The following RAPGEF4 variants were observed in gnomAD, a reference collection of about 807,000 sequenced individuals.
RAPGEF4 encodes Rap guanine nucleotide exchange factor 4, also known as RAP guanine-nucleotide-exchange factor (GEF) 4.
Under a neutral mutation model 147.9 loss-of-function variants are expected in RAPGEF4, and 66 were observed. The ratio of observed to expected loss-of-function variants is 0.45; its 90% confidence interval spans 0.37 to 0.55. The LOEUF (loss-of-function observed/expected upper bound fraction) is 0.55, where lower values mean the gene tolerates loss of function less well. Ranked by LOEUF, RAPGEF4 falls within the 20% of genes least tolerant of loss-of-function variation. The probability of loss-of-function intolerance (pLI) is 0.00; values close to 1 mark genes in which losing one functional copy is unlikely to be tolerated. For missense variants in RAPGEF4, 1,071 were observed against 1,257.3 expected (o/e 0.85, Z 2.24); for synonymous variants, 419 against 442.7 (o/e 0.95, Z 0.67).
chr2:172,809,248 T>A (rs1000291007), intron 3 of RAPGEF4, among the ~76,000 whole-genome samples: 27 of 152,066 alleles, frequency 1.8e-4, no homozygotes, highest in Admixed American at 4.6e-4. Flanking sequence ...ATGATGAGAC[T>A]TGGCCTGCTG....
rs143111506 is a variant in RAPGEF4, at chr2:172,774,834, A to G, written c.66-20191A>G. 3.0e-4 allele frequency among the ~76,000 whole-genome samples: 45 copies of G among 152,304 alleles called. 1 individual carries two copies. Among genetic ancestry groups the G allele is most frequent in the African/African-American group, 9.1e-4 (38 of 41,566 alleles). ...CCTTGTAATTCTCAAATAACTTTTC[A>G]TTGTGCTTGTACATGCTAGACATGT... On this transcript the variant is annotated intron_variant, in intron 1 of 30. Coordinates refer to ENST00000397081, the MANE Select transcript of RAPGEF4 (RefSeq NM_007023.4).
chr2:172,782,218 T>C (rs983806039), intron 1 of RAPGEF4, among the ~76,000 whole-genome samples: 2 of 152,230 alleles, frequency 1.3e-5, no homozygotes, highest in African/African-American at 4.8e-5. Context: ...GCTGATTCAG[T>C]TGGAGAAAGT....
intron 1 of RAPGEF4, chr2:172,744,447 G>A: frequency 2.2e-6 from 1 of 456,342 alleles, no homozygotes; most frequent in South Asian, 1.6e-5. Flanking sequence ...TGCAAACGTT[G>A]CGTGGTCATC....
At chr2:173,034,275 G>C (rs979890423) in intron 27 of RAPGEF4, among the ~76,000 whole-genome samples, 2 of 152,174 alleles carry the variant, frequency 1.3e-5, no homozygotes, top group Non-Finnish European at 2.9e-5. Context: ...GGCTTGCCAA[G>C]ATTATTTTTC....
At position 172,838,183 on chromosome 2, in the gene RAPGEF4, T is replaced by TG. The variant is rs540538708; in HGVS notation, c.444+23764dup. Among the ~76,000 whole-genome samples, 295 of 151,676 alleles carry TG rather than the reference T, an allele frequency of 1.9e-3. 1 individual carries two copies. The highest frequency in any genetic ancestry group is 3.5e-3 in the Admixed American group (54 of 15,242). ...TCATTTCCTACAAGAAGTGACCTGT[T>TG]GGGGGGTCTTCCCTTTGATATCCTA... On this transcript the variant is annotated intron_variant, in intron 4 of 30. Coordinates refer to ENST00000397081, the MANE Select transcript of RAPGEF4 (RefSeq NM_007023.4).
At chr2:173,044,082 T>C (rs1300441514) in intron 29 of RAPGEF4, among the ~76,000 whole-genome samples, 1 of 152,134 alleles carries the variant, frequency 6.6e-6, no homozygotes, top group African/African-American at 2.4e-5. Flanking sequence ...CGCTGTCTTA[T>C]AGGCAGGGTA....
At chr2:172,898,468 C>T (rs1384708927) in intron 4 of RAPGEF4, among the ~76,000 whole-genome samples, 1 of 152,184 alleles carries the variant, frequency 6.6e-6, no homozygotes, top group African/African-American at 2.4e-5. Context: ...TCTGACCCAC[C>T]TCACTCTGTG....
intron 3 of RAPGEF4, among the ~76,000 whole-genome samples, chr2:172,812,098 A>G (rs1688081640): frequency 6.6e-6 from 1 of 152,238 alleles, no homozygotes; most frequent in African/African-American, 2.4e-5. Flanking sequence ...TTGAACTTGC[A>G]AACCATACTC....
chr2:173,046,397 A>ATTT lies in RAPGEF4; in HGVS notation c.2854-2203_2854-2202insTTT, dbSNP rs1425362133. On this transcript the variant is annotated intron_variant, in intron 29 of 30. Transcript: ENST00000397081. ...TTAGCTTTCAAAACTAAAAAGCAGA[A>ATTT]CAATTACTCCCTACAAAATGGTATA... 2.5e-3 allele frequency among the ~76,000 whole-genome samples: 383 copies of ATTT among 152,322 alleles called. 1 individual carries two copies. The highest frequency in any genetic ancestry group is 8.2e-3 in the African/African-American group (342 of 41,568).
chr2:172,758,169 G>A (rs1695955864), intron 1 of RAPGEF4, among the ~76,000 whole-genome samples: 1 of 152,144 alleles, frequency 6.6e-6, no homozygotes, highest in Non-Finnish European at 1.5e-5. Flanking sequence ...ATATGTTTAG[G>A]ATAAGAATTC....
chr2:172,991,758 C>T (rs1484385466), intron 15 of RAPGEF4, among the ~76,000 whole-genome samples: 2 of 152,042 alleles, frequency 1.3e-5, no homozygotes, highest in Non-Finnish European at 2.9e-5. Context: ...CTTTGTTTGC[C>T]AAATAAGCAA....
intron 1 of RAPGEF4, among the ~76,000 whole-genome samples, chr2:172,744,985 A>G (rs961349834): frequency 6.6e-6 from 1 of 152,158 alleles, no homozygotes; most frequent in African/African-American, 2.4e-5. Context: ...TACTTTTTAT[A>G]TATTACTTTA....
At chr2:172,829,811 A>G (rs1239632471) in intron 4 of RAPGEF4, among the ~76,000 whole-genome samples, 1 of 149,384 alleles carries the variant, frequency 6.7e-6, no homozygotes, top group East Asian at 1.9e-4. Context: ...ATAATATAAT[A>G]ACTCATTTAG....
At chr2:172,857,907 A>G (rs1575058164) in intron 4 of RAPGEF4, among the ~76,000 whole-genome samples, 245 of 5,880 alleles carry the variant, frequency 0.042, no homozygotes, top group Non-Finnish European at 0.068. Flanking sequence ...AAAAAAAAAA[A>G]AAAAAAAAAA....
rs1332967055 is a variant in RAPGEF4, at chr2:173,016,391, G to T, written c.1852G>T (p.Ala618Ser). Residue 618 changes from alanine to serine, a missense_variant, in exon 19 of 31, where the codon GCC becomes TCC. Ala to Ser is a moderately conservative substitution (Grantham distance 99). Transcript: ENST00000397081. ...ATCAGATGATGCCCGGATGATTGCT[G>T]CCCTCAAGGAGCAACTGCCAGAGTT... The part of the protein sequence containing the change: ...SVSDDARMIA[A>S]LKEQLPELEK... 6.2e-7 allele frequency: 1 copy of T among 1,613,830 alleles called. No individual in the cohort carries two copies. Among genetic ancestry groups the T allele is most frequent in the Admixed American group, 1.7e-5 (1 of 60,030 alleles).
intron 6 of RAPGEF4, among the ~76,000 whole-genome samples, chr2:172,947,026 C>T (rs935224682): frequency 3.9e-5 from 6 of 152,172 alleles, no homozygotes; most frequent in African/African-American, 1.2e-4. Flanking sequence ...ATTGCCTAAA[C>T]GTATTTGTGA....
chr2:172,858,822 C>T (rs968759323), intron 4 of RAPGEF4, among the ~76,000 whole-genome samples: 1 of 152,164 alleles, frequency 6.6e-6, no homozygotes, highest in Non-Finnish European at 1.5e-5. Flanking sequence ...TCAGCCCTCT[C>T]AAGTTATTTC....
intron 1 of RAPGEF4, among the ~76,000 whole-genome samples, chr2:172,769,027 T>C (rs1216974467): frequency 1.3e-5 from 2 of 152,136 alleles, no homozygotes; most frequent in African/African-American, 4.8e-5. Context: ...CCATTTCCCT[T>C]TCCTTATGTG....
intron 6 of RAPGEF4, among the ~76,000 whole-genome samples, chr2:172,950,680 A>G (rs1688125556): frequency 1.3e-5 from 2 of 152,356 alleles, no homozygotes; most frequent in South Asian, 4.1e-4. Flanking sequence ...TAAAGGCCAA[A>G]TGCATTTTCT....
Sources: gnomAD v4.1 joint callset for allele counts (sites outside exome capture counted in the v4.1 genomes callset) on GRCh38, gnomAD v4.1.1 for gene constraint, MANE v1.5 for transcripts, NCBI Gene and HGNC (gene_info 2026-07-23, HGNC 2026-07-21) for gene names.